UBAC1: variants seen among roughly 807,000 people sequenced by gnomAD.
UBAC1 encodes UBA domain containing 1, also known as ubiquitin-associated domain-containing protein 1.
A neutral mutation model predicts 45.9 loss-of-function variants in UBAC1; 27 were observed. The observed-to-expected ratio is 0.59, with a 90% CI of 0.43 to 0.81. The LOEUF is 0.81. UBAC1 is among the 30% of genes least tolerant of loss of function. The pLI, the probability that UBAC1 is intolerant of heterozygous loss-of-function variation, is 0.00. For synonymous variants in UBAC1, 227 were observed against 215.5 expected (o/e 1.05, Z -0.47); for missense variants, 529 against 539.2 (o/e 0.98, Z 0.19).
At chr9:135,952,312 G>A (rs759961467) in intron 3 of UBAC1, among the ~76,000 whole-genome samples, 3 of 152,248 alleles carry the variant, frequency 2.0e-5, no homozygotes, top group Non-Finnish European at 2.9e-5. Flanking sequence ...TTTCTCTGGG[G>A]TGAACACTCT....
At chr9:135,949,059 C>CAA (rs765248761) in intron 3 of UBAC1, among the ~76,000 whole-genome samples, 14 of 103,178 alleles carry the variant, frequency 1.4e-4, no homozygotes, top group African/African-American at 3.3e-4. Context: ...GACACCATCT[C>CAA]AAAAAAAAAA....
chr9:135,959,415 G>A (rs12552793), intron 1 of UBAC1, among the ~76,000 whole-genome samples: 4 of 129,194 alleles, frequency 3.1e-5, no homozygotes, highest in Admixed American at 2.9e-4. Context: ...TTGCTCTGTC[G>A]CCAGGCTGGA....
intron 9 of UBAC1, among the ~76,000 whole-genome samples, chr9:135,936,669 A>G (rs1839205936): frequency 6.6e-6 from 1 of 151,966 alleles, no homozygotes; most frequent in Non-Finnish European, 1.5e-5. Context: ...AATTTTTTGT[A>G]TTTTTAGTAA....
At chr9:135,933,750 G>A (rs1278065239) in intron 9 of UBAC1, among the ~76,000 whole-genome samples, 2 of 152,170 alleles carry the variant, frequency 1.3e-5, no homozygotes, top group Non-Finnish European at 2.9e-5. Context: ...TCTGGCAGGT[G>A]GGCAGTGTGC....
At chr9:135,944,693 G>C (rs1014565431) in intron 7 of UBAC1, among the ~76,000 whole-genome samples, 4 of 152,234 alleles carry the variant, frequency 2.6e-5, no homozygotes, top group African/African-American at 7.2e-5. Context: ...CGAACAGGGG[G>C]GGCTTGTGGA....
rs1046706793 is a variant in UBAC1 at position 135,933,230 on chromosome 9, G to A, written c.*170C>T. On this transcript the variant is annotated 3_prime_UTR_variant, in exon 10 of 10. Transcript: ENST00000371756. ...TAAAAATACGGCCTTACACACTACC[G>A]TCACCAAAGTTTATAAGCAATAAGA... 7.0e-5 allele frequency: 42 copies of A among 603,628 alleles called. No individual in the cohort carries two copies. Among genetic ancestry groups the A allele is most frequent in the African/African-American group, 5.6e-4 (30 of 53,750 alleles). The allele number at this position is 603,628 out of a possible 1,614,324, so 37.4% of individuals were successfully genotyped here. A position where few individuals can be genotyped will look rare whatever the true frequency, so the allele number is the denominator to read the frequency against.
rs752061508 is a variant in UBAC1 at position 135,938,193 on chromosome 9, G to T, written c.1102+29C>A. 4 of 1,610,050 alleles carry T rather than the reference G, an allele frequency of 2.5e-6. No homozygotes were observed. The South Asian group carries it at 4.4e-5, about 18-fold the overall frequency. On this transcript the variant is annotated intron_variant, in intron 9 of 9. Coordinates refer to ENST00000371756, the MANE Select transcript of UBAC1 (RefSeq NM_016172.3). ...GGGAACCAGCCAGCCTCCCCGACCCGAGACTTAGCATAAAGAAGGCGCACA... is the reference window on the plus strand; with the variant it reads ...GGGAACCAGCCAGCCTCCCCGACCCTAGACTTAGCATAAAGAAGGCGCACA...
At chr9:135,952,183 A>G (rs960581461) in intron 3 of UBAC1, among the ~76,000 whole-genome samples, 1 of 152,216 alleles carries the variant, frequency 6.6e-6, no homozygotes, top group Non-Finnish European at 1.5e-5. Flanking sequence ...GTGGCTGAAG[A>G]TAAGGAGGGG....
At chr9:135,953,564 C>G (rs981994881) in intron 3 of UBAC1, 116 bp downstream of exon 3, 2 of 746,552 alleles carry the variant, frequency 2.7e-6, no homozygotes, top group Middle Eastern at 2.5e-4. Flanking sequence ...GTGATCCACC[C>G]GCCTCGGCCT....
At chr9:135,941,750 G>A (rs1037807275) in intron 7 of UBAC1, among the ~76,000 whole-genome samples, 1 of 152,208 alleles carries the variant, frequency 6.6e-6, no homozygotes, top group African/African-American at 2.4e-5. Context: ...CTCACGGGCT[G>A]CAGGACGTCG....
intron 3 of UBAC1, among the ~76,000 whole-genome samples, chr9:135,948,499 C>T (rs897870493): frequency 1.3e-5 from 2 of 152,258 alleles, no homozygotes; most frequent in African/African-American, 4.8e-5. Flanking sequence ...GGACAAGGAG[C>T]GAGCCTCAGG....
chr9:135,936,900 T>C (rs754108985), intron 9 of UBAC1, among the ~76,000 whole-genome samples: 3 of 152,136 alleles, frequency 2.0e-5, no homozygotes, highest in Non-Finnish European at 2.9e-5. Flanking sequence ...AACCAGAAAC[T>C]GAACAACGGC....
Position 135,938,358 on chromosome 9 carries a change from G to C in UBAC1, c.966C>G (p.Cys322Trp). The C allele has an allele frequency of 6.2e-7, 1 of 1,612,778 alleles. No individual in the cohort carries two copies. The highest frequency in any genetic ancestry group is 8.5e-7 in the Non-Finnish European group (1 of 1,179,794). ...GCTTCCGGTCCCCCAGCAGCCACTC[G>C]CACTGCAAAGCCAAGAGCACCAATA... ...RVNNNQQNAA[C>W]EWLLGDRKPS... Residue 322 changes from cysteine to tryptophan, a missense_variant and splice_region_variant, in exon 9 of 10, where the codon TGC becomes TGG. Cys to Trp is a radical substitution (Grantham distance 215, BLOSUM62 -2). Transcript: ENST00000371756.
intron 7 of UBAC1, among the ~76,000 whole-genome samples, chr9:135,943,706 C>CA (rs1406944030): frequency 2.0e-5 from 3 of 152,150 alleles, no homozygotes; most frequent in African/African-American, 7.2e-5. Flanking sequence ...AGAATCAACT[C>CA]AAATGCCCAC....
chr9:135,955,087 A>G (rs1290814849), intron 2 of UBAC1, among the ~76,000 whole-genome samples: 1 of 152,232 alleles, frequency 6.6e-6, no homozygotes, highest in East Asian at 1.9e-4. Flanking sequence ...TGCTTGTTCA[A>G]TTTCAATTTC....
chr9:135,951,382 C>T (rs992908244), intron 3 of UBAC1, among the ~76,000 whole-genome samples: 2 of 151,840 alleles, frequency 1.3e-5, no homozygotes, highest in Non-Finnish European at 2.9e-5. Context: ...CCCAGCTACT[C>T]GGGAGGCTGA....
At chr9:135,946,966 A>T (rs1393060918) in intron 4 of UBAC1, among the ~76,000 whole-genome samples, 13 of 152,202 alleles carry the variant, frequency 8.5e-5, no homozygotes, top group Admixed American at 8.5e-4. Context: ...CACACACAGG[A>T]TGGGAGACAC....
At chr9:135,953,273 C>G (rs1434973040) in intron 3 of UBAC1, among the ~76,000 whole-genome samples, 1 of 152,098 alleles carries the variant, frequency 6.6e-6, no homozygotes, top group East Asian at 1.9e-4. Flanking sequence ...TGGTGAACAA[C>G]TAGTATAGAG....
At chr9:135,950,463 G>A (rs962676329) in intron 3 of UBAC1, among the ~76,000 whole-genome samples, 2 of 152,192 alleles carry the variant, frequency 1.3e-5, no homozygotes, top group South Asian at 2.1e-4. Context: ...CGGCTCTGTG[G>A]AAGAGCATGA....
Sources: allele counts gnomAD v4.1 joint callset (sites outside exome capture counted in the v4.1 genomes callset), GRCh38; gene constraint gnomAD v4.1.1; transcripts MANE v1.5; gene names NCBI Gene and HGNC (gene_info 2026-07-23, HGNC 2026-07-21).